RFX7: variants seen among roughly 807,000 people sequenced by gnomAD.
The protein encoded by RFX7 is DNA-binding protein RFX7.
Under a neutral mutation model 111.8 loss-of-function variants are expected in RFX7, and 26 were observed. The observed-to-expected ratio is 0.23, with a 90% confidence interval of 0.17 to 0.32. RFX7 has a LOEUF of 0.32. RFX7 is among the 10% of genes least tolerant of loss of function. The pLI is 1.00. For synonymous variants in RFX7, 624 were observed against 624.4 expected (o/e 1.00, Z 0.01); for missense variants, 1,573 against 1,772.9 (o/e 0.89, Z 2.02).
At position 56,087,560 on chromosome 15, in the gene RFX7, G is replaced by T. The variant is rs146957416; in HGVS notation, c.*5785C>A. 2.9e-4 allele frequency: 131 copies of T among 456,628 alleles called. 1 individual carries two copies. The East Asian group carries it at 8.3e-3, about 29-fold the overall frequency. The allele number at this position is 456,628 out of a possible 1,614,324, so 28.3% of individuals were successfully genotyped here. On this transcript the variant is annotated 3_prime_UTR_variant, in exon 10 of 10. Transcript: ENST00000559447. ...TTTGGTTACATCTCTTTGAGTACTTGGTAAGTGTCTCCACTTAACTGCAAG... is the reference window on the plus strand; with the variant it reads ...TTTGGTTACATCTCTTTGAGTACTTTGTAAGTGTCTCCACTTAACTGCAAG...
intron 5 of RFX7, among the ~76,000 whole-genome samples, chr15:56,123,132 G>C (rs1318287982): frequency 6.6e-6 from 1 of 152,070 alleles, no homozygotes; most frequent in Non-Finnish European, 1.5e-5. Context: ...CAGAAGTCTT[G>C]CCTTGTAGCC....
intron 2 of RFX7, among the ~76,000 whole-genome samples, chr15:56,225,535 T>C (rs1215037970): frequency 6.6e-6 from 1 of 152,174 alleles, no homozygotes; most frequent in Non-Finnish European, 1.5e-5. Context: ...TCTCTCCAAA[T>C]AGGCTGAAAA....
intron 2 of RFX7, among the ~76,000 whole-genome samples, chr15:56,224,467 T>TTGTGTGTGTGTGTGTG (rs58795247): frequency 0.081 from 11,985 of 147,136 alleles, 570 homozygotes; most frequent in South Asian, 0.15. Context: ...GATTAGGATT[T>TTGTGTGTGTGTGTGTG]TGTGTGTGTG....
intron 5 of RFX7, among the ~76,000 whole-genome samples, chr15:56,135,556 T>G (rs201672546): frequency 5.9e-5 from 9 of 151,720 alleles, no homozygotes; most frequent in African/African-American, 9.7e-5. Context: ...TTTCTCCCAT[T>G]CTGTAGGTTG....
chr15:56,122,226 A>T (rs951192778), intron 5 of RFX7, among the ~76,000 whole-genome samples: 5 of 152,174 alleles, frequency 3.3e-5, no homozygotes, highest in African/African-American at 1.2e-4. Context: ...CACCACAGAG[A>T]TAACTGCATT....
intron 5 of RFX7, among the ~76,000 whole-genome samples, chr15:56,107,991 C>T (rs1430974334): frequency 6.6e-6 from 1 of 152,128 alleles, no homozygotes; most frequent in Non-Finnish European, 1.5e-5. Context: ...ATACACCCTC[C>T]CAAGACTAAA....
chr15:56,169,929 G>A (rs1258001588), intron 3 of RFX7, among the ~76,000 whole-genome samples: 2 of 151,446 alleles, frequency 1.3e-5, no homozygotes, highest in African/African-American at 2.4e-5. Context: ...AAAAAAAAAA[G>A]TTCTTCCCTT....
chr15:56,126,884 C>A (rs886573438), intron 5 of RFX7, among the ~76,000 whole-genome samples: 2 of 151,768 alleles, frequency 1.3e-5, no homozygotes, highest in Middle Eastern at 3.4e-3. Flanking sequence ...GTAAAACACA[C>A]AAAAAAGACA....
chr15:56,214,290 G>C (rs1169980902), intron 2 of RFX7, among the ~76,000 whole-genome samples: 2 of 151,744 alleles, frequency 1.3e-5, no homozygotes, highest in African/African-American at 4.8e-5. Context: ...AAAATATTTT[G>C]ATTAAAATTT....
intron 2 of RFX7, among the ~76,000 whole-genome samples, chr15:56,235,079 G>GT (rs1294679971): frequency 1.3e-5 from 2 of 152,066 alleles, no homozygotes; most frequent in African/African-American, 4.8e-5. Context: ...CAGCACATAC[G>GT]TAAGTAGAGA....
chr15:56,237,746 C>G (rs1316117295), intron 2 of RFX7, among the ~76,000 whole-genome samples: 2 of 152,174 alleles, frequency 1.3e-5, no homozygotes, highest in East Asian at 3.9e-4. Flanking sequence ...AGAAAATCAA[C>G]AGGCTTGGAA....
At chr15:56,229,912 C>T (rs2141228605) in intron 2 of RFX7, among the ~76,000 whole-genome samples, 1 of 151,986 alleles carries the variant, frequency 6.6e-6, no homozygotes, top group East Asian at 1.9e-4. Flanking sequence ...TGAAACACTT[C>T]AGGCCCTCAC....
intron 2 of RFX7, among the ~76,000 whole-genome samples, chr15:56,201,514 G>C (rs564093385): frequency 6.6e-6 from 1 of 152,300 alleles, no homozygotes; most frequent in East Asian, 1.9e-4. Flanking sequence ...TGATGCTCTA[G>C]AGAGGAAGAT....
intron 5 of RFX7, among the ~76,000 whole-genome samples, chr15:56,121,439 G>A (rs2042077698): frequency 6.6e-6 from 1 of 151,960 alleles, no homozygotes; most frequent in Admixed American, 6.6e-5. Flanking sequence ...TTTTGTATAG[G>A]GCAAGAGATA....
chr15:56,138,293 G>A lies in RFX7; in HGVS notation c.401+4485C>T, dbSNP rs2042335698. Among the ~76,000 whole-genome samples the A allele has an allele frequency of 4.7e-5, 7 of 148,272 alleles. No individual in the cohort carries two copies. The South Asian group carries it at 1.6e-3, about 34-fold the overall frequency. Reference sequence around the variant, plus strand: ...CTCAGGACTTGCTTTATGAATCTGGGTGCTCTTGTATTGGGTGCATATATA... The same window carrying A: ...CTCAGGACTTGCTTTATGAATCTGGATGCTCTTGTATTGGGTGCATATATA... On this transcript the variant is annotated intron_variant, in intron 5 of 9. Transcript: ENST00000559447.
At chr15:56,228,179 A>AT (rs1418541081) in intron 2 of RFX7, among the ~76,000 whole-genome samples, 86 of 150,304 alleles carry the variant, frequency 5.7e-4, no homozygotes, top group East Asian at 9.7e-4. Context: ...GCCTAGGCAT[A>AT]TTTTTTTTTG....
rs1045369270 is a variant in RFX7, at chr15:56,179,828, C to T, written c.162-525G>A. ...CACACACACACCAGTAACAGGAATC[C>T]CTAGACATAAAAGCAATAATAAAAG... is the stretch of plus-strand genomic sequence containing the variant. On this transcript the variant is annotated intron_variant, in intron 2 of 9. Transcript: ENST00000559447. Among the ~76,000 whole-genome samples, 182 of 145,924 alleles carry T rather than the reference C, an allele frequency of 1.2e-3. 1 individual carries two copies. The highest frequency in any genetic ancestry group is 4.5e-3 in the African/African-American group (179 of 39,398).
chr15:56,206,813 G>A (rs1329488279), intron 2 of RFX7, among the ~76,000 whole-genome samples: 1 of 151,658 alleles, frequency 6.6e-6, no homozygotes, highest in Non-Finnish European at 1.5e-5. Flanking sequence ...CTGAATTCAT[G>A]GGGAGAAAGT....
intron 6 of RFX7, 125 bp downstream of exon 6, chr15:56,103,429 G>A: frequency 3.3e-6 from 2 of 602,514 alleles, no homozygotes; most frequent in Middle Eastern, 3.3e-4. Context: ...TTCTACTTAA[G>A]CTTTTGAGTT....
Sources: gnomAD v4.1 joint callset for allele counts (sites outside exome capture counted in the v4.1 genomes callset) on GRCh38, gnomAD v4.1.1 for gene constraint, MANE v1.5 for transcripts, NCBI Gene and HGNC (gene_info 2026-07-23, HGNC 2026-07-21) for gene names.